Variants in DEPTOR observed in about 807,000 individuals in gnomAD.
DEPTOR encodes the protein DEP domain-containing mTOR-interacting protein.
Under a neutral mutation model 41.6 loss-of-function variants are expected in DEPTOR, and 41 were observed. The observed-to-expected ratio is 0.98, with a 90% CI of 0.77 to 1.28. DEPTOR has a LOEUF of 1.28. DEPTOR is among the 50% of genes most tolerant of loss of function. DEPTOR has a pLI of 0.00. For missense variants in DEPTOR, 514 were observed against 527.9 expected (o/e 0.97, Z 0.26); for synonymous variants, 195 against 192.3 (o/e 1.01, Z -0.12).
chr8:119,918,785 G>T (rs556777852), intron 1 of DEPTOR, among the ~76,000 whole-genome samples: 1 of 152,170 alleles, frequency 6.6e-6, no homozygotes, highest in African/African-American at 2.4e-5. Flanking sequence ...GTAGTGACAA[G>T]GTTTCTCCAT....
chr8:119,892,786 A>AT (rs111693158), intron 1 of DEPTOR, among the ~76,000 whole-genome samples: 114,064 of 147,190 alleles, frequency 0.77, 44,130 homozygotes, highest in East Asian at 0.92. Flanking sequence ...CTTTATTATA[A>AT]TTTTTTTTTT....
intron 1 of DEPTOR, among the ~76,000 whole-genome samples, chr8:119,896,686 C>T (rs1371432157): frequency 5.9e-5 from 9 of 151,842 alleles, no homozygotes; most frequent in Admixed American, 2.6e-4. Context: ...TTAGTAGAGA[C>T]GAGGTTTCAT....
rs897332960 is a variant in DEPTOR, at chr8:120,002,943, C to G, written c.791-34C>G. 3 of 1,547,706 alleles carry G rather than the reference C, an allele frequency of 1.9e-6. No homozygotes were observed. In the African/African-American group the frequency reaches 4.1e-5, roughly 21 times the overall value. Reference sequence around the variant, plus strand: ...TGCTCTAGTGAGCCGAGACCACCCCCTTGGTGACTGTGTGTGTTCTCTGGC... The same window carrying G: ...TGCTCTAGTGAGCCGAGACCACCCCGTTGGTGACTGTGTGTGTTCTCTGGC... On this transcript the variant is annotated intron_variant, in intron 5 of 8. Transcript: ENST00000286234.
At chr8:119,935,328 G>A (rs1284798056) in intron 3 of DEPTOR, among the ~76,000 whole-genome samples, 4 of 152,106 alleles carry the variant, frequency 2.6e-5, no homozygotes, top group African/African-American at 9.7e-5. Context: ...TAACTTAAAA[G>A]AACAATGTTG....
chr8:119,908,094 G>A (rs1827688836), intron 1 of DEPTOR, among the ~76,000 whole-genome samples: 1 of 152,154 alleles, frequency 6.6e-6, no homozygotes, highest in African/African-American at 2.4e-5. Context: ...AGGAAAAGTG[G>A]AGGCCGAAGG....
chr8:119,905,087 T>G (rs577998950), intron 1 of DEPTOR, among the ~76,000 whole-genome samples: 5 of 148,340 alleles, frequency 3.4e-5, no homozygotes, highest in African/African-American at 1.3e-4. Flanking sequence ...AGGTTACAGG[T>G]GTGAGCTACC....
intron 3 of DEPTOR, among the ~76,000 whole-genome samples, chr8:119,959,253 C>T (rs563667856): frequency 5.4e-5 from 8 of 148,762 alleles, no homozygotes; most frequent in South Asian, 2.2e-4. Flanking sequence ...AGCTCCGCCT[C>T]CCGGGCTCAC....
Position 119,968,122 on chromosome 8 carries a change from G to A in DEPTOR, c.604+2712G>A, listed in dbSNP as rs1458466136. Among the ~76,000 whole-genome samples the A allele has an allele frequency of 1.1e-4, 16 of 152,178 alleles. 1 individual carries two copies. ...CAGTTCATAGTATTGTCAGGACTAT[G>A]AGATGGTTATAGAAGCAATTAGAGA... On this transcript the variant is annotated intron_variant, in intron 4 of 8. Transcript: ENST00000286234.
chr8:119,975,220 C>A (rs1828683267), intron 4 of DEPTOR, among the ~76,000 whole-genome samples: 2 of 152,038 alleles, frequency 1.3e-5, no homozygotes, highest in African/African-American at 4.8e-5. Flanking sequence ...CTTTTTGGAG[C>A]TACTGCTGTG....
intron 8 of DEPTOR, among the ~76,000 whole-genome samples, chr8:120,012,827 G>A (rs563623397): frequency 2.0e-5 from 3 of 151,502 alleles, no homozygotes; most frequent in South Asian, 4.2e-4. Context: ...GAGCCACCAC[G>A]CCCAGCCGAA....
At chr8:120,030,038 T>C (rs1812861347) in intron 8 of DEPTOR, among the ~76,000 whole-genome samples, 1 of 152,172 alleles carries the variant, frequency 6.6e-6, no homozygotes, top group South Asian at 2.1e-4. Context: ...TACCCACAGC[T>C]GGGTTAATGA....
chr8:120,003,080 C>T lies in DEPTOR; in HGVS notation c.894C>T (p.Ser298=). 1 of 1,613,138 alleles carries T rather than the reference C, an allele frequency of 6.2e-7. No individual in the cohort carries two copies. The change falls in exon 6 of 9, where the codon AGC becomes AGT. Residue 298 remains serine (S), a synonymous_variant. Transcript: ENST00000286234. ...GYFSSSPTLS[S]SPPVLCNPKS... ...TCAGCAGCAGCCCCACCCTCAGCAG[C>T]AGCCCCCCTGTGCTCTGCAACCCCA...
intron 3 of DEPTOR, among the ~76,000 whole-genome samples, chr8:119,938,340 T>G (rs994651763): frequency 6.6e-6 from 1 of 152,206 alleles, no homozygotes; most frequent in Admixed American, 6.5e-5. Flanking sequence ...GTTTTAAAAG[T>G]TTTAAGCCTA....
intron 8 of DEPTOR, among the ~76,000 whole-genome samples, chr8:120,047,124 A>G (rs1310312289): frequency 6.6e-6 from 1 of 152,134 alleles, no homozygotes; most frequent in Non-Finnish European, 1.5e-5. Context: ...CCCAGGTTCA[A>G]GCAATTCTCC....
intron 1 of DEPTOR, among the ~76,000 whole-genome samples, chr8:119,903,113 T>G (rs1190120752): frequency 2.6e-5 from 4 of 152,164 alleles, no homozygotes; most frequent in African/African-American, 7.2e-5. Flanking sequence ...GAGGTCCTGT[T>G]TTTTTGAGAT....
At chr8:120,030,506 T>TTTTTTG (rs1812873697) in intron 8 of DEPTOR, among the ~76,000 whole-genome samples, 2 of 124,788 alleles carry the variant, frequency 1.6e-5, no homozygotes, top group East Asian at 2.5e-4. Context: ...AGTTTTTTTT[T>TTTTTTG]TTTTTTTTTT....
Position 120,046,783 on chromosome 8 carries a change from G to GAAGCTTCAAGCCACCCTGTCTTCA in DEPTOR, c.1102-2791_1102-2768dup, listed in dbSNP as rs1813159641. Among the ~76,000 whole-genome samples the GAAGCTTCAAGCCACCCTGTCTTCA allele has an allele frequency of 3.9e-5, 6 of 152,190 alleles. No homozygotes were observed. The South Asian group carries it at 1.2e-3, about 32-fold the overall frequency. ...CAAACATTGGGGTCCTTCAGTTCTT[G>GAAGCTTCAAGCCACCCTGTCTTCA]AAGCTTCAAGCCACCCTGTCTTCAA... On this transcript the variant is annotated intron_variant, in intron 8 of 8. Transcript: ENST00000286234.
At chr8:119,935,219 A>G (rs376778133) in intron 3 of DEPTOR, among the ~76,000 whole-genome samples, 1 of 152,224 alleles carries the variant, frequency 6.6e-6, no homozygotes, top group African/African-American at 2.4e-5. Flanking sequence ...CATGGGCACA[A>G]GTACCCAAGA....
At chr8:119,903,465 G>A (rs1162808055) in intron 1 of DEPTOR, among the ~76,000 whole-genome samples, 1 of 152,046 alleles carries the variant, frequency 6.6e-6, no homozygotes, top group Non-Finnish European at 1.5e-5. Flanking sequence ...CTTCCTAAAG[G>A]TTACTCAAAC....
Sources: gnomAD v4.1 joint callset for allele counts (sites outside exome capture counted in the v4.1 genomes callset) on GRCh38, gnomAD v4.1.1 for gene constraint, MANE v1.5 for transcripts, NCBI Gene and HGNC (gene_info 2026-07-23, HGNC 2026-07-21) for gene names.